ARHGAP32: variants seen among roughly 807,000 people sequenced by gnomAD.
ARHGAP32 encodes the protein rho GTPase-activating protein 32.
Under a neutral mutation model 186.5 loss-of-function variants are expected in ARHGAP32, and 51 were observed. The observed-to-expected ratio is 0.27, with a 90% confidence interval of 0.22 to 0.35. The LOEUF is 0.35. Among genes scored for constraint, ARHGAP32 ranks in the 10% least tolerant of loss-of-function variants. ARHGAP32 has a pLI of 1.00. For missense variants in ARHGAP32, 2,186 were observed against 2,623.5 expected, an observed-to-expected ratio of 0.83 and a Z score of 3.64; for synonymous variants, 950 against 964.3, an observed-to-expected ratio of 0.99 and a Z score of 0.27.
upstream of ARHGAP32, among the ~76,000 whole-genome samples, chr11:129,196,412 AACATTT>A (rs1363407139): frequency 3.3e-5 from 5 of 152,236 alleles, no homozygotes; most frequent in African/African-American, 1.2e-4. Flanking sequence ...CTATTTACAT[AACATTT>A]ACATTGATAG....
At chr11:129,228,165 T>C (rs926441531) in intron 1 of ARHGAP32, among the ~76,000 whole-genome samples, 2 of 152,134 alleles carry the variant, frequency 1.3e-5, no homozygotes, top group Admixed American at 6.6e-5. Flanking sequence ...AGGAAAATAC[T>C]TTGAGACAAA....
intron 5 of ARHGAP32, among the ~76,000 whole-genome samples, chr11:129,099,018 CAACTA>C (rs900479862): frequency 4.0e-5 from 6 of 151,798 alleles, no homozygotes; most frequent in African/African-American, 1.5e-4. Flanking sequence ...AATAAAAAAT[CAACTA>C]AACACATTTA....
chr11:129,276,581 G>C (rs1398284972), intron 1 of ARHGAP32, among the ~76,000 whole-genome samples: 4 of 152,138 alleles, frequency 2.6e-5, no homozygotes, highest in Admixed American at 2.6e-4. Context: ...CATTTGATTA[G>C]AGGTGTAAGC....
chr11:129,201,246 T>C (rs142177892), intron 1 of ARHGAP32, among the ~76,000 whole-genome samples: 1 of 152,318 alleles, frequency 6.6e-6, no homozygotes, highest in African/African-American at 2.4e-5. Context: ...TCCTGTATCT[T>C]TCACTGTAAT....
At chr11:129,141,917 A>T (rs1943062477) in intron 2 of ARHGAP32, among the ~76,000 whole-genome samples, 1 of 152,154 alleles carries the variant, frequency 6.6e-6, no homozygotes, top group Admixed American at 6.5e-5. Flanking sequence ...TCCTCTGCGT[A>T]TTACTTACAG....
At position 128,967,203 on chromosome 11, in the gene ARHGAP32, TAAAATA is replaced by T. The variant is rs1435356678; in HGVS notation, c.*1698_*1703del. The T allele has an allele frequency of 2.0e-5, 3 of 152,242 alleles. No individual in the cohort carries two copies. Among genetic ancestry groups the T allele is most frequent in the African/African-American group, 7.2e-5 (3 of 41,470 alleles). The allele number at this position is 152,242 out of a possible 1,614,324, so 9.4% of individuals were successfully genotyped here. A position where few individuals can be genotyped will look rare whatever the true frequency, so the allele number is the denominator to read the frequency against. ...AACCCTTAAAATGCACATTATTTTT[TAAAATA>T]AAAACTGGCATGAATCCTAATCTTT... is the stretch of plus-strand genomic sequence containing the variant. On this transcript the variant is annotated 3_prime_UTR_variant, in exon 23 of 23. Transcript: ENST00000682385.
chr11:129,118,227 G>A (rs1415190839), intron 5 of ARHGAP32, among the ~76,000 whole-genome samples: 6 of 151,894 alleles, frequency 4.0e-5, no homozygotes, highest in Admixed American at 2.6e-4. Context: ...AGTATATGTT[G>A]TGTAATATTA....
chr11:128,992,752 ACTC>A, intron 12 of ARHGAP32, among the ~76,000 whole-genome samples: 2 of 152,052 alleles, frequency 1.3e-5, no homozygotes, highest in Non-Finnish European at 2.9e-5. Flanking sequence ...GTGCCATTAC[ACTC>A]CAGCCTGGGC....
intron 1 of ARHGAP32, among the ~76,000 whole-genome samples, chr11:129,189,708 C>T (rs1044709313): frequency 2.0e-5 from 3 of 152,036 alleles, no homozygotes; most frequent in Admixed American, 6.6e-5. Flanking sequence ...TGAAGGAGAC[C>T]GGCAACTTCC....
At chr11:129,076,237 C>T (rs532258173) in intron 6 of ARHGAP32, among the ~76,000 whole-genome samples, 13 of 152,278 alleles carry the variant, frequency 8.5e-5, no homozygotes, top group African/African-American at 3.1e-4. Context: ...TAATCCAACC[C>T]TTACTTAGCA....
upstream of ARHGAP32, among the ~76,000 whole-genome samples, chr11:129,193,596 T>C (rs1212137698): frequency 3.2e-5 from 1 of 31,214 alleles, no homozygotes; most frequent in African/African-American, 1.3e-4. Context: ...TAATATATGT[T>C]ATATATAATA....
intron 1 of ARHGAP32, among the ~76,000 whole-genome samples, chr11:129,216,093 C>G (rs35070085): frequency 0.19 from 29,110 of 152,038 alleles, 2,930 homozygotes; most frequent in Non-Finnish European, 0.22. Flanking sequence ...CTGGAGCGAG[C>G]ACAACCCTGC....
intron 2 of ARHGAP32, chr11:129,126,064 A>T (rs1942652377): frequency 4.9e-6 from 2 of 411,246 alleles, no homozygotes; most frequent in South Asian, 3.8e-5. Flanking sequence ...TTATTTCATC[A>T]GTACTCATCA....
intron 1 of ARHGAP32, among the ~76,000 whole-genome samples, chr11:129,219,503 A>G (rs1944686610): frequency 6.6e-6 from 1 of 152,168 alleles, no homozygotes; most frequent in South Asian, 2.1e-4. Flanking sequence ...GAGATCTGTC[A>G]TGCAATTTAT....
At chr11:129,007,349 CAG>C (rs998209196) in intron 11 of ARHGAP32, among the ~76,000 whole-genome samples, 6 of 151,976 alleles carry the variant, frequency 3.9e-5, no homozygotes, top group Admixed American at 3.9e-4. Context: ...CAGCATATCT[CAG>C]AGTCTCACCC....
At chr11:129,249,955 G>A (rs923141373) in intron 1 of ARHGAP32, among the ~76,000 whole-genome samples, 2 of 151,898 alleles carry the variant, frequency 1.3e-5, no homozygotes, top group Non-Finnish European at 2.9e-5. Context: ...GCTCACACCT[G>A]TAATCTCAGC....
intron 1 of ARHGAP32, among the ~76,000 whole-genome samples, chr11:129,260,833 A>G (rs1945312198): frequency 6.6e-6 from 1 of 152,202 alleles, no homozygotes; most frequent in Non-Finnish European, 1.5e-5. Context: ...GGGTTACATA[A>G]GCATCTCTGA....
At chr11:129,235,900 A>AACACACACACACACACACACAC (rs57291313) in intron 1 of ARHGAP32, among the ~76,000 whole-genome samples, 3 of 145,660 alleles carry the variant, frequency 2.1e-5, no homozygotes, top group African/African-American at 5.2e-5. Flanking sequence ...GTCATTCATA[A>AACACACACACACACACACACAC]ACACACACAC....
intron 11 of ARHGAP32, among the ~76,000 whole-genome samples, chr11:129,021,843 A>G (rs1191385142): frequency 2.0e-5 from 3 of 152,088 alleles, no homozygotes; most frequent in African/African-American, 7.2e-5. Flanking sequence ...ATAAGAGACT[A>G]TGACTAATTT....
Sources: gnomAD v4.1 joint callset for allele counts (sites outside exome capture counted in the v4.1 genomes callset) on GRCh38, gnomAD v4.1.1 for gene constraint, MANE v1.5 for transcripts, NCBI Gene and HGNC (gene_info 2026-07-23, HGNC 2026-07-21) for gene names.